CAMK2D: variants seen among roughly 807,000 people sequenced by gnomAD.
CAMK2D encodes the protein calcium/calmodulin dependent protein kinase II delta, also known as calcium/calmodulin-dependent protein kinase type II subunit delta.
Under a neutral mutation model 84.0 loss-of-function variants are expected in CAMK2D, and 37 were observed. That is an observed-to-expected ratio of 0.44 (90% confidence interval 0.34 to 0.58). The LOEUF is 0.58. Among genes scored for constraint, CAMK2D ranks in the 20% least tolerant of loss-of-function variants. The probability of loss-of-function intolerance (pLI) is 0.02; values close to 1 mark genes in which losing one functional copy is unlikely to be tolerated. For missense variants in CAMK2D, 448 were observed against 652.5 expected, an observed-to-expected ratio of 0.69 and a Z score of 3.41; for synonymous variants, 202 against 212.5, an observed-to-expected ratio of 0.95 and a Z score of 0.43.
intron 4 of CAMK2D, among the ~76,000 whole-genome samples, chr4:113,574,429 T>C (rs1039015919): frequency 4.6e-5 from 7 of 152,210 alleles, no homozygotes; most frequent in African/African-American, 1.7e-4. Context: ...GAAAGGACTG[T>C]TGAAATAATC....
Position 113,454,425 on chromosome 4 carries a change from A to G in CAMK2D, c.*120T>C. The G allele has an allele frequency of 1.3e-6, 1 of 762,578 alleles. No homozygotes were observed. Among genetic ancestry groups the G allele is most frequent in the Non-Finnish European group, 2.4e-6 (1 of 409,146 alleles). The allele number at this position is 762,578 out of a possible 1,614,324, so 47.2% of individuals were successfully genotyped here. ...CCTTCACAACTTCATGCACTCAGAA[A>G]CATGCATGAAGAGGAGGAGAGGACG... On this transcript the variant is annotated 3_prime_UTR_variant, in exon 21 of 21. Coordinates refer to ENST00000511664, the MANE Select transcript of CAMK2D (RefSeq NM_001321571.2).
chr4:113,460,026 G>GT, intron 18 of CAMK2D, 121 bp downstream of exon 18: 1 of 689,552 alleles, frequency 1.5e-6, no homozygotes, highest in Admixed American at 2.5e-5. Flanking sequence ...CCATTGTATG[G>GT]TTTCAAATGC....
intron 4 of CAMK2D, among the ~76,000 whole-genome samples, chr4:113,579,646 T>C (rs1978131): frequency 0.021 from 3,259 of 152,292 alleles, 168 homozygotes; most frequent in East Asian, 0.11. Flanking sequence ...GGAAGCTTCC[T>C]GAATCCCTCA....
chr4:113,650,563 CAAATT>C (rs1381738598), intron 3 of CAMK2D, among the ~76,000 whole-genome samples: 18 of 147,096 alleles, frequency 1.2e-4, no homozygotes, highest in African/African-American at 4.5e-4. Flanking sequence ...TGGGTGGAAA[CAAATT>C]AAATTAACAT....
intron 2 of CAMK2D, among the ~76,000 whole-genome samples, chr4:113,758,140 A>G (rs1391613439): frequency 1.3e-5 from 2 of 152,142 alleles, no homozygotes; most frequent in Non-Finnish European, 2.9e-5. Context: ...CTTTCTGTGG[A>G]GTAGAGACTA....
chr4:113,595,268 T>TC (rs148285448), intron 4 of CAMK2D, among the ~76,000 whole-genome samples: 6,072 of 152,168 alleles, frequency 0.04, 351 homozygotes, highest in East Asian at 0.19. Flanking sequence ...AAAACAAAGT[T>TC]TTCAGGAGAA....
chr4:113,504,388 G>C (rs748472369), intron 14 of CAMK2D, among the ~76,000 whole-genome samples: 5 of 152,022 alleles, frequency 3.3e-5, no homozygotes, highest in Non-Finnish European at 7.4e-5. Flanking sequence ...TTCATTCTTT[G>C]GATTAAAGTG....
intron 3 of CAMK2D, among the ~76,000 whole-genome samples, chr4:113,642,042 CAATA>C (rs1005421094): frequency 7.9e-5 from 12 of 151,748 alleles, no homozygotes; most frequent in African/African-American, 1.5e-4. Flanking sequence ...AAATAATAAA[CAATA>C]AATAAATAAA....
Position 113,467,109 on chromosome 4 carries a change from G to T in CAMK2D, c.1136-1505C>A, listed in dbSNP as rs1476210981. ...TAAAATTACTGCATGAAATATTTTA[G>T]AAATCAAATTTTACTGGATTTTAAG... On this transcript the variant is annotated intron_variant, in intron 16 of 20. Transcript: ENST00000511664. Among the ~76,000 whole-genome samples the T allele has an allele frequency of 2.6e-5, 4 of 152,220 alleles. No individual in the cohort carries two copies. In the East Asian group the frequency reaches 7.7e-4, roughly 29 times the overall value.
At chr4:113,519,491 T>TA (rs533032676) in intron 8 of CAMK2D, among the ~76,000 whole-genome samples, 2 of 151,228 alleles carry the variant, frequency 1.3e-5, no homozygotes, top group Non-Finnish European at 1.5e-5. Context: ...ATGTGAAGAT[T>TA]AAAAAAAACA....
intron 2 of CAMK2D, among the ~76,000 whole-genome samples, chr4:113,718,518 G>A (rs1227526439): frequency 6.6e-6 from 1 of 152,158 alleles, no homozygotes; most frequent in Non-Finnish European, 1.5e-5. Flanking sequence ...ATCACCAGGA[G>A]CAATTTGGGA....
At chr4:113,598,385 CAAAAT>C in intron 4 of CAMK2D, among the ~76,000 whole-genome samples, 1 of 151,974 alleles carries the variant, frequency 6.6e-6, no homozygotes, top group Middle Eastern at 3.4e-3. Flanking sequence ...AAAACTAACT[CAAAAT>C]AGATCACACA....
chr4:113,612,193 C>G (rs2099003053), intron 3 of CAMK2D, among the ~76,000 whole-genome samples: 1 of 152,120 alleles, frequency 6.6e-6, no homozygotes, highest in Non-Finnish European at 1.5e-5. Context: ...AACTCTTCAA[C>G]TATTATTCTC....
intron 2 of CAMK2D, among the ~76,000 whole-genome samples, chr4:113,729,912 C>T (rs1562093672): frequency 6.6e-6 from 1 of 152,156 alleles, no homozygotes; most frequent in Admixed American, 6.5e-5. Context: ...GGGATTTGAT[C>T]TTGGACTTTC....
chr4:113,492,108 A>T (rs554538761), intron 16 of CAMK2D, among the ~76,000 whole-genome samples: 4,345 of 151,928 alleles, frequency 0.029, 212 homozygotes, highest in African/African-American at 0.097. Flanking sequence ...GGATTCATTA[A>T]TTTTTTAAAG....
intron 9 of CAMK2D, among the ~76,000 whole-genome samples, chr4:113,516,837 T>A (rs2098291255): frequency 6.6e-6 from 1 of 152,132 alleles, no homozygotes; most frequent in Non-Finnish European, 1.5e-5. Context: ...TAGGGCTGTA[T>A]GAGGGGAAAC....
chr4:113,548,840 T>C, intron 5 of CAMK2D: 1 of 574,364 alleles, frequency 1.7e-6, no homozygotes, highest in Non-Finnish European at 3.1e-6. Flanking sequence ...AAACAAAAAT[T>C]ATATTTCTTC....
intron 2 of CAMK2D, among the ~76,000 whole-genome samples, chr4:113,695,895 G>A (rs551525655): frequency 1.7e-4 from 26 of 152,108 alleles, no homozygotes; most frequent in African/African-American, 4.8e-4. Flanking sequence ...GATCTGCAAT[G>A]CTATGTATGA....
intron 11 of CAMK2D, among the ~76,000 whole-genome samples, chr4:113,513,598 C>T (rs994811898): frequency 1.3e-5 from 2 of 152,168 alleles, no homozygotes; most frequent in African/African-American, 2.4e-5. Context: ...AATTGCACAG[C>T]TGTTTTCCAC....
Sources: gnomAD v4.1 joint callset for allele counts (sites outside exome capture counted in the v4.1 genomes callset) on GRCh38, gnomAD v4.1.1 for gene constraint, MANE v1.5 for transcripts, NCBI Gene and HGNC (gene_info 2026-07-23, HGNC 2026-07-21) for gene names.